RAPGEF5: variants seen among roughly 807,000 people sequenced by gnomAD.
RAPGEF5 encodes Rap guanine nucleotide exchange factor 5, also known as M-Ras-regulated GEF.
In RAPGEF5, 65 loss-of-function variants were observed where a neutral mutation model predicts 125.2. The observed-to-expected ratio is 0.52, with a 90% CI of 0.43 to 0.64. RAPGEF5 has a LOEUF of 0.64. Ranked by LOEUF, RAPGEF5 falls within the 30% of genes least tolerant of loss-of-function variation. RAPGEF5 has a pLI of 0.00. For synonymous variants in RAPGEF5, 391 were observed against 385.9 expected (o/e 1.01, Z -0.16); for missense variants, 958 against 1,048.1 (o/e 0.91, Z 1.19).
At chr7:22,149,662 T>A (rs1388129268) in intron 18 of RAPGEF5, among the ~76,000 whole-genome samples, 1 of 152,168 alleles carries the variant, frequency 6.6e-6, no homozygotes, top group East Asian at 1.9e-4. Context: ...ATGACCCCGT[T>A]CTACACAGAG....
At chr7:22,141,257 A>C (rs997000973) in intron 20 of RAPGEF5, among the ~76,000 whole-genome samples, 1 of 152,152 alleles carries the variant, frequency 6.6e-6, no homozygotes, top group African/African-American at 2.4e-5. Context: ...TAAACTTTTT[A>C]CTGTATTTGT....
chr7:22,123,153 C>T (rs1459724460), intron 25 of RAPGEF5, among the ~76,000 whole-genome samples: 1 of 152,126 alleles, frequency 6.6e-6, no homozygotes, highest in African/African-American at 2.4e-5. Flanking sequence ...GGACTAAAGT[C>T]TACCCAGAGA....
In RAPGEF5 at chr7:22,181,446, T is replaced by C. The variant is rs567351139; in HGVS notation, c.1204+11921A>G. On this transcript the variant is annotated intron_variant, in intron 11 of 25. Transcript: ENST00000665637. ...GGAGAATTTTAAATTGTACTTTTCA[T>C]GTTCCCACTAAATGAAGCTCATTTA... is the stretch of plus-strand genomic sequence containing the variant. Among the ~76,000 whole-genome samples, 6 of 152,338 alleles carry C rather than the reference T, an allele frequency of 3.9e-5. No homozygotes were observed. In the South Asian group the frequency reaches 1.0e-3, roughly 26 times the overall value.
chr7:22,332,015 T>C (rs941476764), intron 1 of RAPGEF5, among the ~76,000 whole-genome samples: 2 of 152,204 alleles, frequency 1.3e-5, no homozygotes, highest in African/African-American at 4.8e-5. Flanking sequence ...ATTCTGGAGA[T>C]TGGTTGCACA....
intron 6 of RAPGEF5, among the ~76,000 whole-genome samples, chr7:22,277,202 G>C (rs557410464): frequency 6.6e-6 from 1 of 152,140 alleles, no homozygotes; most frequent in Non-Finnish European, 1.5e-5. Flanking sequence ...AATGTATGAA[G>C]GACAGACTTC....
Position 22,357,049 on chromosome 7 carries a change from G to A in RAPGEF5, c.12C>T (p.Ala4=), listed in dbSNP as rs201846781. The change falls in exon 1 of 26, where the codon GCC becomes GCT. Residue 4 remains alanine, a synonymous_variant. Coordinates refer to ENST00000665637, the MANE Select transcript of RAPGEF5 (RefSeq NM_012294.5). The part of the protein sequence containing the change: MRM[A]VGSVKMQPPC... ...GCGGCTGCATCTTGACGGAGCCCAC[G>A]GCCATCCTCATGCCCTGACGGCGCT... 1 of 1,038,008 alleles carries A rather than the reference G, an allele frequency of 9.6e-7. No individual in the cohort carries two copies. The highest frequency in any genetic ancestry group is 8.1e-5 in the East Asian group (1 of 12,330). 64.3% of individuals were successfully genotyped at this position (1,038,008 alleles called of 1,614,324 possible).
chr7:22,285,122 T>C (rs1257328900), intron 6 of RAPGEF5, among the ~76,000 whole-genome samples: 1 of 152,184 alleles, frequency 6.6e-6, no homozygotes, highest in African/African-American at 2.4e-5. Context: ...TTTATCCTAG[T>C]GACCATGCAG....
chr7:22,280,505 T>A (rs1011282512), intron 6 of RAPGEF5, among the ~76,000 whole-genome samples: 3 of 152,132 alleles, frequency 2.0e-5, no homozygotes, highest in Non-Finnish European at 4.4e-5. Flanking sequence ...TTTAAATATC[T>A]GAAGAAATGG....
intron 21 of RAPGEF5, among the ~76,000 whole-genome samples, chr7:22,138,655 CCCTGGT>C (rs1783156901): frequency 6.6e-6 from 1 of 152,198 alleles, no homozygotes; most frequent in Non-Finnish European, 1.5e-5. Context: ...ACTTGCTCTG[CCCTGGT>C]CCAAGACTTC....
intron 7 of RAPGEF5, among the ~76,000 whole-genome samples, chr7:22,241,873 T>A (rs13222400): frequency 0.16 from 24,998 of 152,012 alleles, 2,677 homozygotes; most frequent in African/African-American, 0.3. Flanking sequence ...AGACTTGAAA[T>A]GGCAGAATCT....
Position 22,356,966 on chromosome 7 carries a change from AG to A in RAPGEF5, c.94del (p.Leu32CysfsTer23). ...CTCCCGGGCGCTGGGGCTGCGGCGC[AG>A]GGGGCCGTCTGCCGCCACCACCGCC... Reference protein sequence around the residue: ...AAAVVAADGPLRRSPSAREPE... With the variant: ...AAAVVAADGPXRRSPSAREPE... On this transcript the variant is annotated frameshift_variant, in exon 1 of 26. Coordinates refer to ENST00000665637, the MANE Select transcript of RAPGEF5 (RefSeq NM_012294.5). LOFTEE classifies it high-confidence loss of function. The A allele has an allele frequency of 9.7e-7, 1 of 1,033,028 alleles. No individual in the cohort carries two copies. The highest frequency in any genetic ancestry group is 1.2e-6 in the Non-Finnish European group (1 of 863,312). The allele number at this position is 1,033,028 out of a possible 1,614,324, so 64.0% of individuals were successfully genotyped here. A position where few individuals can be genotyped will look rare whatever the true frequency, so the allele number is the denominator to read the frequency against.
chr7:22,344,138 C>G (rs1784180297), intron 1 of RAPGEF5, among the ~76,000 whole-genome samples: 2 of 152,174 alleles, frequency 1.3e-5, no homozygotes, highest in Admixed American at 6.5e-5. Context: ...TCCCTTGCCT[C>G]TCCCTCTATC....
chr7:22,315,459 A>G lies in RAPGEF5; in HGVS notation c.300T>C (p.Ser100=). ...HTPSQIYGEN[S]SCAGRALRNI... ...TCCTCAATGCTCTTCCTGCACAAGA[A>G]GAATTCTCTCCATAAATCTAAATGG... Residue 100 remains serine (S), a synonymous_variant, in exon 3 of 26, where the codon TCT becomes TCC. Transcript: ENST00000665637. The G allele has an allele frequency of 2.7e-6, 4 of 1,503,830 alleles. No homozygotes were observed. In the East Asian group the frequency reaches 7.7e-5, roughly 29 times the overall value. 93.2% of individuals were successfully genotyped at this position (1,503,830 alleles called of 1,614,324 possible). A position where few individuals can be genotyped will look rare whatever the true frequency, so the allele number is the denominator to read the frequency against.
chr7:22,219,248 C>G (rs557093400), intron 9 of RAPGEF5, among the ~76,000 whole-genome samples: 4 of 152,106 alleles, frequency 2.6e-5, no homozygotes, highest in African/African-American at 7.2e-5. Flanking sequence ...ACTCTCAGTT[C>G]TAAGGCTCAA....
Position 22,136,125 on chromosome 7 carries a change from C to G in RAPGEF5, c.2329G>C (p.Asp777His). ...KLFSELESLT[D>H]PSLNHKAYRD... ...TAGGCTTTGTGATTTAGGGAAGGAT[C>G]CTGCCGAACCAAGCAGATTACAAAG... Residue 777 changes from aspartate to histidine, a missense_variant and splice_region_variant, in exon 23 of 26, where the codon GAT becomes CAT. Asp to His is a moderately conservative substitution (Grantham distance 81). Coordinates refer to ENST00000665637, the MANE Select transcript of RAPGEF5 (RefSeq NM_012294.5). 6.2e-7 allele frequency: 1 copy of G among 1,600,960 alleles called. No individual in the cohort carries two copies. The highest frequency in any genetic ancestry group is 8.5e-7 in the Non-Finnish European group (1 of 1,174,048).
In RAPGEF5 at chr7:22,193,907, A is replaced by G. The variant is rs75562553; in HGVS notation, c.1115+8T>C. On this transcript the variant is annotated splice_region_variant and intron_variant, in intron 10 of 25. Coordinates refer to ENST00000665637, the MANE Select transcript of RAPGEF5 (RefSeq NM_012294.5). Reference sequence around the variant, plus strand: ...CGCGTGCCTCTGTGGCTGCAGGGAAACTCTCACCTCCAATGGCTCTCCGCA... The same window carrying G: ...CGCGTGCCTCTGTGGCTGCAGGGAAGCTCTCACCTCCAATGGCTCTCCGCA... 76 of 1,611,186 alleles carry G rather than the reference A, an allele frequency of 4.7e-5. No individual in the cohort carries two copies. Among genetic ancestry groups the G allele is most frequent in the Non-Finnish European group, 6.0e-5 (71 of 1,178,848 alleles).
intron 1 of RAPGEF5, among the ~76,000 whole-genome samples, chr7:22,321,604 T>C (rs920548441): frequency 6.6e-6 from 1 of 152,214 alleles, no homozygotes; most frequent in African/African-American, 2.4e-5. Flanking sequence ...CCTGCCCTTT[T>C]ACTAACATGA....
intron 16 of RAPGEF5, among the ~76,000 whole-genome samples, chr7:22,156,165 AAGAG>A (rs896166238): frequency 6.6e-6 from 1 of 152,242 alleles, no homozygotes; most frequent in Non-Finnish European, 1.5e-5. Flanking sequence ...GATGAGGCAA[AAGAG>A]AGAGTCTGTG....
intron 11 of RAPGEF5, among the ~76,000 whole-genome samples, chr7:22,183,400 T>C (rs1181195654): frequency 6.6e-6 from 1 of 152,140 alleles, no homozygotes; most frequent in Non-Finnish European, 1.5e-5. Context: ...CAGAATATTT[T>C]ATTACTTGTA....
Sources: gnomAD v4.1 joint callset for allele counts (sites outside exome capture counted in the v4.1 genomes callset) on GRCh38, gnomAD v4.1.1 for gene constraint, MANE v1.5 for transcripts, NCBI Gene and HGNC (gene_info 2026-07-23, HGNC 2026-07-21) for gene names.